Variants in CPA6 observed in about 807,000 individuals in gnomAD.
CPA6 encodes carboxypeptidase A6.
Under a neutral mutation model 63.3 loss-of-function variants are expected in CPA6, and 58 were observed. The ratio of observed to expected loss-of-function variants is 0.92; its 90% CI spans 0.74 to 1.14. The LOEUF (loss-of-function observed/expected upper bound fraction) is 1.14, where lower values mean the gene tolerates loss of function less well. Ranked by LOEUF, CPA6 falls within the 50% of genes most tolerant of loss-of-function variation. The pLI, the probability that CPA6 is intolerant of heterozygous loss-of-function variation, is 0.00. For synonymous variants in CPA6, 185 were observed against 179.0 expected (o/e 1.03, Z -0.27); for missense variants, 565 against 526.6 (o/e 1.07, Z -0.71).
intron 2 of CPA6, among the ~76,000 whole-genome samples, chr8:67,562,507 T>G (rs1323409413): frequency 6.6e-6 from 1 of 152,066 alleles, no homozygotes; most frequent in Non-Finnish European, 1.5e-5. Flanking sequence ...CTGCATTCGT[T>G]TTGTGGTTCT....
chr8:67,627,464 C>T (rs1287783257), intron 1 of CPA6, among the ~76,000 whole-genome samples: 1 of 152,112 alleles, frequency 6.6e-6, no homozygotes, highest in Non-Finnish European at 1.5e-5. Flanking sequence ...TTGTTTTTAA[C>T]TGTTAGGTGG....
intron 2 of CPA6, among the ~76,000 whole-genome samples, chr8:67,609,934 A>G (rs1328855869): frequency 6.6e-6 from 1 of 152,220 alleles, no homozygotes; most frequent in Non-Finnish European, 1.5e-5. Context: ...TGACAGGAGA[A>G]TCGCTTGAAC....
At chr8:67,610,234 C>A (rs1405058088) in intron 2 of CPA6, among the ~76,000 whole-genome samples, 3 of 152,086 alleles carry the variant, frequency 2.0e-5, no homozygotes, top group African/African-American at 4.8e-5. Context: ...AGAAATTTAT[C>A]TGGGCATAGT....
intron 1 of CPA6, among the ~76,000 whole-genome samples, chr8:67,720,832 T>C (rs1817483003): frequency 6.6e-6 from 1 of 152,194 alleles, no homozygotes; most frequent in Non-Finnish European, 1.5e-5. Flanking sequence ...TGTTGATCAC[T>C]TCCTGGCTGC....
chr8:67,657,140 G>T (rs1006308861), intron 1 of CPA6, among the ~76,000 whole-genome samples: 2 of 152,148 alleles, frequency 1.3e-5, no homozygotes, highest in Non-Finnish European at 2.9e-5. Flanking sequence ...CTCAACTAGG[G>T]TGAGGAAGAT....
Position 67,615,333 on chromosome 8 carries a change from A to C in CPA6, c.192+8843T>G, listed in dbSNP as rs148451132. Among the ~76,000 whole-genome samples, 8 of 152,342 alleles carry C rather than the reference A, an allele frequency of 5.3e-5. No homozygotes were observed. The East Asian group carries it at 1.5e-3, about 29-fold the overall frequency. On this transcript the variant is annotated intron_variant, in intron 2 of 10. Coordinates refer to ENST00000297770, the MANE Select transcript of CPA6 (RefSeq NM_020361.5). ...CTTGATAGAAAACCTCTCAGTCACC[A>C]AGAAGTGCCATCCTTGCCCCTTGAA...
At position 67,729,321 on chromosome 8, in the gene CPA6, GA is replaced by G. The variant is rs1007384023; in HGVS notation, c.116+16692del. Among the ~76,000 whole-genome samples, 49 of 152,126 alleles carry G rather than the reference GA, an allele frequency of 3.2e-4. 1 individual carries two copies. The highest frequency in any genetic ancestry group is 1.1e-3 in the African/African-American group (46 of 41,536). ...TAAGCTGCTCGTATTTTTATAGCAT[GA>G]AAAAAAGCCCTAATTTTTCAGAGTT... On this transcript the variant is annotated intron_variant, in intron 1 of 10. Transcript: ENST00000297770.
intron 1 of CPA6, among the ~76,000 whole-genome samples, chr8:67,699,259 TA>T (rs1411195755): frequency 6.6e-6 from 1 of 151,748 alleles, no homozygotes; most frequent in Non-Finnish European, 1.5e-5. Flanking sequence ...CTATCAAAAA[TA>T]AAAAAATTAT....
At chr8:67,546,437 T>G (rs1383056476) in intron 2 of CPA6, among the ~76,000 whole-genome samples, 2 of 152,258 alleles carry the variant, frequency 1.3e-5, no homozygotes, top group Non-Finnish European at 2.9e-5. Context: ...TTACCTCTTC[T>G]GTATAGCCTT....
chr8:67,519,223 T>C lies in CPA6; in HGVS notation c.193-1176A>G, dbSNP rs185358172. Among the ~76,000 whole-genome samples, 214 of 152,344 alleles carry C rather than the reference T, an allele frequency of 1.4e-3. 2 individuals carry two copies. The highest frequency in any genetic ancestry group is 1.9e-4 in the East Asian group (1 of 5,178). On this transcript the variant is annotated intron_variant, in intron 2 of 10. Transcript: ENST00000297770. Reference sequence around the variant, plus strand: ...CCAGTGCTCTGCACCTGGTAGGAGCTTGGCCTTCATCAAAGGCACAATGGA... The same window carrying C: ...CCAGTGCTCTGCACCTGGTAGGAGCCTGGCCTTCATCAAAGGCACAATGGA...
intron 1 of CPA6, among the ~76,000 whole-genome samples, chr8:67,650,500 C>A (rs542397480): frequency 5.0e-4 from 76 of 152,154 alleles, no homozygotes; most frequent in African/African-American, 1.7e-3. Flanking sequence ...AGGTACTGCT[C>A]CAACTACTAA....
chr8:67,496,655 G>A (rs1328255292), intron 6 of CPA6, among the ~76,000 whole-genome samples: 1 of 150,028 alleles, frequency 6.7e-6, no homozygotes, highest in Non-Finnish European at 1.5e-5. Context: ...CCGCCTCCCC[G>A]GTTCAAGCGA....
chr8:67,735,004 TAG>T (rs776111315), intron 1 of CPA6, among the ~76,000 whole-genome samples: 4 of 152,168 alleles, frequency 2.6e-5, no homozygotes, highest in Non-Finnish European at 5.9e-5. Context: ...CATCTAGTGA[TAG>T]AGTGTGGTAC....
intron 2 of CPA6, among the ~76,000 whole-genome samples, chr8:67,549,654 G>T (rs1812897971): frequency 6.6e-6 from 1 of 152,050 alleles, no homozygotes; most frequent in African/African-American, 2.4e-5. Context: ...CATCTCTCCA[G>T]CCCCTGGAAA....
chr8:67,603,632 A>G (rs1814552015), intron 2 of CPA6, among the ~76,000 whole-genome samples: 1 of 152,206 alleles, frequency 6.6e-6, no homozygotes, highest in Non-Finnish European at 1.5e-5. Context: ...GTGTTTACTA[A>G]GTTTTCCTTT....
intron 3 of CPA6, among the ~76,000 whole-genome samples, chr8:67,513,117 G>A (rs1014073705): frequency 2.0e-5 from 3 of 152,186 alleles, no homozygotes; most frequent in Non-Finnish European, 4.4e-5. Flanking sequence ...CTCAAAGCTT[G>A]GTTAAGTCCC....
chr8:67,484,586 C>A, intron 7 of CPA6, 93 bp downstream of exon 7: 1 of 606,146 alleles, frequency 1.6e-6, no homozygotes, highest in South Asian at 2.5e-5. Context: ...AGCTGATTGC[C>A]TGTCCAGCTT....
At chr8:67,689,502 A>T (rs1435851273) in intron 1 of CPA6, among the ~76,000 whole-genome samples, 4 of 152,078 alleles carry the variant, frequency 2.6e-5, no homozygotes, top group African/African-American at 9.7e-5. Flanking sequence ...TTTAGCTCCC[A>T]CTTGTAAGTG....
intron 1 of CPA6, among the ~76,000 whole-genome samples, chr8:67,681,704 T>A (rs1437654735): frequency 6.6e-6 from 1 of 152,200 alleles, no homozygotes; most frequent in Non-Finnish European, 1.5e-5. Flanking sequence ...TAGAGAAGAA[T>A]CAATTGGCCA....
Sources: gnomAD v4.1 joint callset for allele counts (sites outside exome capture counted in the v4.1 genomes callset) on GRCh38, gnomAD v4.1.1 for gene constraint, MANE v1.5 for transcripts, NCBI Gene and HGNC (gene_info 2026-07-23, HGNC 2026-07-21) for gene names.